The following FOXP1 variants were observed in gnomAD, a reference collection of about 807,000 sequenced individuals.
FOXP1 encodes the protein forkhead box P1.
In FOXP1, 15 loss-of-function variants were observed where a neutral mutation model predicts 98.2. The observed-to-expected ratio is 0.15, with a 90% CI of 0.10 to 0.24. The LOEUF is 0.24. Among genes scored for constraint, FOXP1 ranks in the 10% least tolerant of loss-of-function variants. FOXP1 has a pLI of 1.00. For missense variants in FOXP1, 633 were observed against 848.5 expected, an observed-to-expected ratio of 0.75 and a Z score of 3.15; for synonymous variants, 371 against 314.5, an observed-to-expected ratio of 1.18 and a Z score of -1.90.
chr3:71,201,750 A>C (rs11128208), intron 5 of FOXP1, among the ~76,000 whole-genome samples: 16,683 of 152,106 alleles, frequency 0.11, 1,162 homozygotes, highest in East Asian at 0.31. Context: ...AATTATCGGG[A>C]TATATCTCAA....
At chr3:71,202,813 A>C (rs1430573371) in intron 5 of FOXP1, among the ~76,000 whole-genome samples, 1 of 152,236 alleles carries the variant, frequency 6.6e-6, no homozygotes, top group Non-Finnish European at 1.5e-5. Flanking sequence ...AGCCATCTGC[A>C]CTATTTTGCA....
chr3:71,428,237 C>G (rs1233465303), intron 3 of FOXP1, among the ~76,000 whole-genome samples: 2 of 152,166 alleles, frequency 1.3e-5, no homozygotes, highest in Non-Finnish European at 2.9e-5. Context: ...CCCAACAGGA[C>G]CATGAAGATC....
chr3:71,206,744 A>G (rs1489854609), intron 5 of FOXP1, among the ~76,000 whole-genome samples: 3 of 152,212 alleles, frequency 2.0e-5, no homozygotes, highest in African/African-American at 4.8e-5. Flanking sequence ...TAAGACACCA[A>G]TGAGCACAGA....
Position 70,956,943 on chromosome 3 carries a change from A to C in FOXP1, c.*2304T>G, listed in dbSNP as rs1309142891. ...AATCGGAAAAAAAGGAAAAATTAAA[A>C]ATAAAAACAAACTGAAGGATATATG... On this transcript the variant is annotated 3_prime_UTR_variant, in exon 21 of 21. Coordinates refer to ENST00000649528, the MANE Select transcript of FOXP1 (RefSeq NM_001349338.3). 1.4e-5 allele frequency: 3 copies of C among 216,710 alleles called. No homozygotes were observed. The highest frequency in any genetic ancestry group is 6.7e-5 in the African/African-American group (3 of 44,530). 13.4% of individuals were successfully genotyped at this position (216,710 alleles called of 1,614,324 possible).
At chr3:70,972,826 G>T in intron 17 of FOXP1, 150 bp from the exon 18 acceptor site, 1 of 762,918 alleles carries the variant, frequency 1.3e-6, no homozygotes, top group Non-Finnish European at 2.1e-6. Flanking sequence ...TCATGGTTAA[G>T]GATGTCTTTT....
At chr3:71,456,572 T>C (rs1236248009) in intron 3 of FOXP1, among the ~76,000 whole-genome samples, 2 of 152,154 alleles carry the variant, frequency 1.3e-5, no homozygotes, top group Non-Finnish European at 2.9e-5. Context: ...CCAACTCCCC[T>C]ACACACTAGC....
At chr3:71,300,103 T>A (rs1390279010) in intron 4 of FOXP1, among the ~76,000 whole-genome samples, 1 of 152,214 alleles carries the variant, frequency 6.6e-6, no homozygotes, top group Non-Finnish European at 1.5e-5. Flanking sequence ...AAAGTCAAGG[T>A]GAAACATTTC....
chr3:71,382,873 C>T (rs2080284290), intron 3 of FOXP1, among the ~76,000 whole-genome samples: 2 of 152,228 alleles, frequency 1.3e-5, no homozygotes, highest in African/African-American at 4.8e-5. Flanking sequence ...TGGATGGCAT[C>T]TTCTAATCCT....
At chr3:71,241,428 G>A (rs932809094) in intron 5 of FOXP1, among the ~76,000 whole-genome samples, 1 of 152,024 alleles carries the variant, frequency 6.6e-6, no homozygotes, top group Non-Finnish European at 1.5e-5. Flanking sequence ...CTTTAACAGG[G>A]GGCCCTGTCA....
intron 2 of FOXP1, among the ~76,000 whole-genome samples, chr3:71,559,759 A>G (rs1234054270): frequency 6.6e-6 from 1 of 151,934 alleles, no homozygotes; most frequent in Admixed American, 6.6e-5. Flanking sequence ...AGGTGGGAGG[A>G]TCACTTGAGC....
intron 6 of FOXP1, among the ~76,000 whole-genome samples, chr3:71,138,624 A>T (rs1428128260): frequency 6.6e-6 from 1 of 152,192 alleles, no homozygotes. Context: ...CTCAAAAGTG[A>T]TACAAATATA....
At chr3:71,236,679 G>C (rs993412425) in intron 5 of FOXP1, among the ~76,000 whole-genome samples, 1 of 152,086 alleles carries the variant, frequency 6.6e-6, no homozygotes, top group Admixed American at 6.5e-5. Context: ...AGACCAGCCT[G>C]GGCAACATCG....
At chr3:71,361,512 G>A (rs75721650) in intron 3 of FOXP1, among the ~76,000 whole-genome samples, 2,024 of 152,280 alleles carry the variant, frequency 0.013, 29 homozygotes, top group Admixed American at 0.034. Context: ...TTTATGAGCC[G>A]TGTTAATAAT....
At chr3:71,200,095 A>AAG (rs1266052767) in intron 5 of FOXP1, among the ~76,000 whole-genome samples, 1 of 151,366 alleles carries the variant, frequency 6.6e-6, no homozygotes, top group East Asian at 1.9e-4. Flanking sequence ...AAAAAAAAAA[A>AAG]AAAAAAAAAA....
intron 5 of FOXP1, among the ~76,000 whole-genome samples, chr3:71,237,835 A>G (rs1356324804): frequency 1.3e-5 from 2 of 152,228 alleles, no homozygotes; most frequent in Non-Finnish European, 2.9e-5. Context: ...GGCTTCAATC[A>G]AAGGGAAGGA....
At chr3:71,358,795 A>G (rs2078349016) in intron 4 of FOXP1, among the ~76,000 whole-genome samples, 1 of 152,124 alleles carries the variant, frequency 6.6e-6, no homozygotes, top group Non-Finnish European at 1.5e-5. Context: ...CTTTGCTTGT[A>G]TATTATCTAT....
chr3:71,469,019 C>T (rs565909795), intron 3 of FOXP1, among the ~76,000 whole-genome samples: 8 of 152,212 alleles, frequency 5.3e-5, no homozygotes, highest in Non-Finnish European at 8.8e-5. Flanking sequence ...ATTCCACCGG[C>T]GCTGGGTGTT....
At chr3:71,128,156 C>T (rs1287261868) in intron 6 of FOXP1, among the ~76,000 whole-genome samples, 3 of 152,156 alleles carry the variant, frequency 2.0e-5, no homozygotes, top group East Asian at 3.8e-4. Flanking sequence ...GAATCACGCA[C>T]ATCACTTCTT....
At chr3:71,425,945 C>T (rs891732413) in intron 3 of FOXP1, among the ~76,000 whole-genome samples, 2 of 152,142 alleles carry the variant, frequency 1.3e-5, no homozygotes, top group African/African-American at 4.8e-5. Flanking sequence ...AATAGTGTGG[C>T]CTGTTTAAGA....
Sources: gnomAD v4.1 joint callset for allele counts (sites outside exome capture counted in the v4.1 genomes callset) on GRCh38, gnomAD v4.1.1 for gene constraint, MANE v1.5 for transcripts, NCBI Gene and HGNC (gene_info 2026-07-23, HGNC 2026-07-21) for gene names.